Variants in SRGAP2C observed in about 807,000 individuals in gnomAD.
The protein encoded by SRGAP2C is SLIT-ROBO Rho GTPase-activating protein 2C.
Under a neutral mutation model 25.1 loss-of-function variants are expected in SRGAP2C, and 15 were observed. That is an observed-to-expected ratio of 0.60 (90% CI 0.40 to 0.92). SRGAP2C has a LOEUF of 0.92. Among genes scored for constraint, SRGAP2C ranks in the 40% least tolerant of loss-of-function variants. The probability of loss-of-function intolerance (pLI) is 0.00; values close to 1 mark genes in which losing one functional copy is unlikely to be tolerated. For synonymous variants in SRGAP2C, 44 were observed against 96.6 expected (o/e 0.46, Z 3.19); for missense variants, 144 against 264.4 (o/e 0.54, Z 3.16).
intron 1 of SRGAP2C, among the ~76,000 whole-genome samples, chr1:121,186,313 C>G (rs1380681819): frequency 1.2e-5 from 1 of 84,868 alleles, no homozygotes; most frequent in Admixed American, 1.2e-4. Flanking sequence ...AACCCGTTTC[C>G]TGCTTCAGCT....
chr1:121,294,684 A>T, intron 3 of SRGAP2C, among the ~76,000 whole-genome samples: 2 of 113,286 alleles, frequency 1.8e-5, no homozygotes. Context: ...TCATTTTTTT[A>T]GGTAGCTTTT....
intron 7 of SRGAP2C, among the ~76,000 whole-genome samples, chr1:121,377,426 G>A (rs587616897): frequency 9.6e-4 from 63 of 65,306 alleles, no homozygotes; most frequent in Non-Finnish European, 1.5e-3. Context: ...CCGCCACCAC[G>A]CCCAGCTAAT....
intron 2 of SRGAP2C, among the ~76,000 whole-genome samples, chr1:121,208,174 C>G (rs1655162999): frequency 6.6e-6 from 1 of 152,198 alleles, no homozygotes; most frequent in Non-Finnish European, 1.5e-5. Flanking sequence ...TTTGCTGCAA[C>G]AGAAGAAAGT....
chr1:121,195,193 C>T (rs1273891854), intron 2 of SRGAP2C, among the ~76,000 whole-genome samples: 5 of 152,122 alleles, frequency 3.3e-5, no homozygotes, highest in African/African-American at 1.2e-4. Flanking sequence ...GATGGATCAC[C>T]TGAGGTCAGG....
chr1:121,189,028 C>T (rs1332385564), intron 2 of SRGAP2C, among the ~76,000 whole-genome samples: 2 of 98,720 alleles, frequency 2.0e-5, no homozygotes, highest in Non-Finnish European at 4.0e-5. Flanking sequence ...GGCCACTGGC[C>T]TCCATGTCCT....
intron 2 of SRGAP2C, among the ~76,000 whole-genome samples, chr1:121,268,006 A>C (rs113341947): frequency 6.7e-6 from 1 of 148,886 alleles, no homozygotes; most frequent in Admixed American, 6.7e-5. Context: ...CATTCATTCA[A>C]TGTGCCTTTA....
chr1:121,231,713 A>T (rs1479947639), intron 2 of SRGAP2C, among the ~76,000 whole-genome samples: 2 of 146,222 alleles, frequency 1.4e-5, no homozygotes, highest in Admixed American at 1.4e-4. Context: ...AAAGTAAGTG[A>T]ATTACTCACA....
intron 2 of SRGAP2C, among the ~76,000 whole-genome samples, chr1:121,208,264 C>T (rs1221011073): frequency 6.6e-6 from 1 of 152,070 alleles, no homozygotes; most frequent in African/African-American, 2.4e-5. Flanking sequence ...AGTGAATCAC[C>T]TGTTGCTTTC....
At chr1:121,332,488 G>T (rs1658453133) in intron 4 of SRGAP2C, among the ~76,000 whole-genome samples, 1 of 151,302 alleles carries the variant, frequency 6.6e-6, no homozygotes, top group Non-Finnish European at 1.5e-5. Context: ...GCAGGAAGTG[G>T]GGAATGCAAG....
chr1:121,339,040 T>G (rs1201081299), intron 4 of SRGAP2C, among the ~76,000 whole-genome samples: 5 of 151,898 alleles, frequency 3.3e-5, no homozygotes, highest in Non-Finnish European at 5.9e-5. Context: ...ATGTATTTCC[T>G]TCCAATCTTT....
intron 2 of SRGAP2C, among the ~76,000 whole-genome samples, chr1:121,219,052 C>A (rs1216567829): frequency 1.3e-5 from 2 of 152,156 alleles, no homozygotes; most frequent in East Asian, 1.9e-4. Context: ...TTCTTCCAAG[C>A]ATTCAACCTC....
intron 2 of SRGAP2C, among the ~76,000 whole-genome samples, chr1:121,201,640 A>G (rs1404802104): frequency 2.0e-5 from 3 of 152,254 alleles, no homozygotes. Context: ...ACAAAACTTA[A>G]TGTAAAATGA....
chr1:121,328,386 CTTTT>C (rs1658359125), intron 4 of SRGAP2C, among the ~76,000 whole-genome samples: 1 of 150,656 alleles, frequency 6.6e-6, no homozygotes. Context: ...TTTTAAAAAT[CTTTT>C]TTTAATCTAT....
intron 4 of SRGAP2C, among the ~76,000 whole-genome samples, chr1:121,335,990 A>G (rs1658507222): frequency 1.3e-5 from 2 of 151,268 alleles, no homozygotes; most frequent in Non-Finnish European, 3.0e-5. Flanking sequence ...GCTTGGCTTT[A>G]TACTTCATTA....
At chr1:121,322,808 G>A (rs1658239371) in intron 3 of SRGAP2C, among the ~76,000 whole-genome samples, 4 of 151,808 alleles carry the variant, frequency 2.6e-5, no homozygotes, top group Non-Finnish European at 5.9e-5. Context: ...TGAACTTCAT[G>A]GTTTACAAAT....
intron 2 of SRGAP2C, among the ~76,000 whole-genome samples, chr1:121,223,060 T>C (rs1553325971): frequency 1.3e-5 from 2 of 152,032 alleles, no homozygotes; most frequent in African/African-American, 4.8e-5. Flanking sequence ...AAAGACTTCT[T>C]CTTCCGAAGC....
chr1:121,345,670 G>C (rs1450308774), intron 4 of SRGAP2C, among the ~76,000 whole-genome samples: 19 of 13,604 alleles, frequency 1.4e-3, no homozygotes, highest in Non-Finnish European at 3.2e-4. Flanking sequence ...TTTTTTTTTT[G>C]AGATGGAGTT....
chr1:121,323,288 A>G (rs1355393389), intron 3 of SRGAP2C, among the ~76,000 whole-genome samples: 11 of 151,366 alleles, frequency 7.3e-5, no homozygotes, highest in South Asian at 2.1e-4. Context: ...TTGGTAATCA[A>G]TAATTCTTTT....
intron 2 of SRGAP2C, among the ~76,000 whole-genome samples, chr1:121,213,086 C>T (rs1553324133): frequency 6.7e-6 from 1 of 150,098 alleles, no homozygotes; most frequent in African/African-American, 2.5e-5. Flanking sequence ...TGTTCTGTTG[C>T]CCAGGCTGGA....
Sources: allele counts gnomAD v4.1 joint callset (sites outside exome capture counted in the v4.1 genomes callset), GRCh38; gene constraint gnomAD v4.1.1; transcripts MANE v1.5; gene names NCBI Gene and HGNC (gene_info 2026-07-23, HGNC 2026-07-21).